Variants in CDC27 observed in about 807,000 individuals in gnomAD.
CDC27 encodes the protein cell division cycle 27.
In CDC27, 27 loss-of-function variants were observed where a neutral mutation model predicts 109.7. That is an observed-to-expected ratio of 0.25 (90% CI 0.18 to 0.34). CDC27 has a LOEUF of 0.34. Ranked by LOEUF, CDC27 falls within the 10% of genes least tolerant of loss-of-function variation. The probability of loss-of-function intolerance (pLI) is 1.00; values close to 1 mark genes in which losing one functional copy is unlikely to be tolerated. For synonymous variants in CDC27, 266 were observed against 333.9 expected (o/e 0.80, Z 2.22); for missense variants, 579 against 960.2 (o/e 0.60, Z 5.25).
intron 9 of CDC27, among the ~76,000 whole-genome samples, chr17:47,149,692 T>C (rs1003898291): frequency 1.3e-5 from 2 of 152,080 alleles, no homozygotes; most frequent in Admixed American, 6.6e-5. Context: ...TGGTAGCTCA[T>C]GCCTGTAATC....
chr17:47,186,106 T>C (rs1320206998), intron 1 of CDC27, among the ~76,000 whole-genome samples: 1 of 152,248 alleles, frequency 6.6e-6, no homozygotes, highest in Non-Finnish European at 1.5e-5. Context: ...AGTCTGTATG[T>C]CTAACTCTTG....
chr17:47,164,685 C>T (rs1176893851), intron 4 of CDC27, among the ~76,000 whole-genome samples: 7 of 152,036 alleles, frequency 4.6e-5, no homozygotes, highest in African/African-American at 1.7e-4. Context: ...GGCATGGTGG[C>T]GCTCACATGT....
intron 2 of CDC27, among the ~76,000 whole-genome samples, chr17:47,173,846 A>C (rs1030607493): frequency 6.6e-6 from 1 of 152,196 alleles, no homozygotes; most frequent in African/African-American, 2.4e-5. Flanking sequence ...TAATCCTAGC[A>C]CTTTGGGAGG....
intron 9 of CDC27, among the ~76,000 whole-genome samples, chr17:47,144,992 A>T (rs1319865206): frequency 6.6e-6 from 1 of 151,452 alleles, no homozygotes; most frequent in African/African-American, 2.4e-5. Context: ...CAAATGACAC[A>T]CAACCTTTCT....
At chr17:47,128,126 G>A (rs2062204223) in intron 16 of CDC27, among the ~76,000 whole-genome samples, 1 of 151,926 alleles carries the variant, frequency 6.6e-6, no homozygotes, top group Non-Finnish European at 1.5e-5. Context: ...TGCCTCCTGG[G>A]TTCAAGTGAT....
At chr17:47,134,263 T>C (rs958168131) in intron 14 of CDC27, among the ~76,000 whole-genome samples, 4 of 150,250 alleles carry the variant, frequency 2.7e-5, no homozygotes, top group African/African-American at 9.8e-5. Flanking sequence ...AATCAAACTA[T>C]GATAATAAGG....
chr17:47,159,582 G>A (rs550121554), intron 4 of CDC27: 3 of 471,870 alleles, frequency 6.4e-6, no homozygotes, highest in East Asian at 4.1e-5. Flanking sequence ...CTGCGCACGG[G>A]GACAATCGAG....
intron 2 of CDC27, among the ~76,000 whole-genome samples, chr17:47,177,356 C>T (rs141232928): frequency 9.1e-4 from 139 of 152,304 alleles, no homozygotes; most frequent in African/African-American, 3.3e-3. Flanking sequence ...GTGGACAGAT[C>T]ACTTGAGGCT....
At chr17:47,134,716 C>T (rs1213655258) in intron 14 of CDC27, among the ~76,000 whole-genome samples, 2 of 151,604 alleles carry the variant, frequency 1.3e-5, no homozygotes, top group African/African-American at 4.9e-5. Flanking sequence ...CCTCATGATT[C>T]GCCCATCTCA....
chr17:47,175,073 G>T (rs893119573), intron 2 of CDC27, among the ~76,000 whole-genome samples: 15 of 134,238 alleles, frequency 1.1e-4, no homozygotes, highest in Admixed American at 7.2e-5. Context: ...AAGGAAGGAA[G>T]GAAGGAAGGA....
chr17:47,183,434 C>G (rs184794863), intron 1 of CDC27, among the ~76,000 whole-genome samples: 1 of 152,266 alleles, frequency 6.6e-6, no homozygotes, highest in African/African-American at 2.4e-5. Context: ...TAGTAAATGA[C>G]TTAGCCCTTT....
chr17:47,157,290 A>T lies in CDC27; in HGVS notation c.570T>A (p.Asn190Lys), dbSNP rs939192276. Residue 190 changes from asparagine to lysine, a missense_variant, in exon 6 of 19, where the codon AAT becomes AAA. Asn to Lys is a moderately conservative substitution (Grantham distance 94). This residue lies in a region of CDC27 where 57 missense variants were observed against 59.0 expected (regional missense o/e 0.97). Transcript: ENST00000066544. Reference protein sequence around the residue: ...LPNSCTTQVPNHSLSHRQPET... With the variant: ...LPNSCTTQVPKHSLSHRQPET... ...CAGGCTGTCTGTGAGATAAACTATGATTAGGTACTTGTGTTGTGCAAGAGT... is the reference window on the plus strand; with the variant it reads ...CAGGCTGTCTGTGAGATAAACTATGTTTAGGTACTTGTGTTGTGCAAGAGT... 1.2e-6 allele frequency: 2 copies of T among 1,613,022 alleles called. No individual in the cohort carries two copies. The highest frequency in any genetic ancestry group is 1.7e-6 in the Non-Finnish European group (2 of 1,179,500).
At position 47,142,299 on chromosome 17, in the gene CDC27, G is replaced by C; in HGVS notation, c.1308C>G (p.Ile436Met). 3.8e-6 allele frequency: 6 copies of C among 1,597,348 alleles called. No individual in the cohort carries two copies. Among genetic ancestry groups the C allele is most frequent in the Non-Finnish European group, 5.1e-6 (6 of 1,166,516 alleles). The change falls in exon 11 of 19, where the codon ATC becomes ATG. Residue 436 changes from isoleucine to methionine, a missense_variant. By Grantham distance (10) the Ile-to-Met change is conservative. This residue lies in a region of CDC27 where 58 missense variants were observed against 116.6 expected (regional missense o/e 0.50). Coordinates refer to ENST00000066544, the MANE Select transcript of CDC27 (RefSeq NM_001256.6). ...SLEITKLDSSIISEGKISTIT... is the reference protein window; with the variant it reads ...SLEITKLDSSMISEGKISTIT... ...TTGTGGATATTTTCCCTTCTGAAAT[G>C]ATGGAAGAGTCCAATTTTGTAATTT...
chr17:47,123,818 T>C (rs1273026237), intron 17 of CDC27, 68 bp downstream of exon 17: 6 of 1,151,664 alleles, frequency 5.2e-6, no homozygotes, highest in South Asian at 2.9e-5. Context: ...AAGTATTACA[T>C]TTATTCTTAT....
chr17:47,161,002 A>T (rs2063481265), intron 4 of CDC27: 1 of 152,196 alleles, frequency 6.6e-6, no homozygotes, highest in Non-Finnish European at 1.5e-5. Context: ...ACTTTTGGAA[A>T]ACATAAATAA....
At chr17:47,137,388 C>A in intron 13 of CDC27, 28 bp from the exon 14 acceptor site, 2 of 1,438,132 alleles carry the variant, frequency 1.4e-6, no homozygotes, top group Non-Finnish European at 1.9e-6. Flanking sequence ...AAAAACCAAA[C>A]AGAATTAAAA....
At chr17:47,131,537 G>A (rs1235022545) in intron 15 of CDC27, among the ~76,000 whole-genome samples, 1 of 152,048 alleles carries the variant, frequency 6.6e-6, no homozygotes, top group Non-Finnish European at 1.5e-5. Flanking sequence ...GCTGAGGGGA[G>A]GGAGAAGGGG....
rs2148814013 is a variant in CDC27, at chr17:47,129,387, T to C, written c.2160+6A>G. ...ACACTGAAGACCCTTAAGATATTTA[T>C]CTTACCTTATATTTTTCATTTGCAA... On this transcript the variant is annotated splice_donor_region_variant and intron_variant, in intron 16 of 18. Coordinates refer to ENST00000066544, the MANE Select transcript of CDC27 (RefSeq NM_001256.6). 6.2e-7 allele frequency: 1 copy of C among 1,605,866 alleles called. No individual in the cohort carries two copies. The highest frequency in any genetic ancestry group is 8.5e-7 in the Non-Finnish European group (1 of 1,173,952).
chr17:47,131,281 C>G (rs977756299), intron 15 of CDC27, among the ~76,000 whole-genome samples: 2 of 152,172 alleles, frequency 1.3e-5, no homozygotes, highest in African/African-American at 4.8e-5. Context: ...GACACATTAT[C>G]TCTCCATTTT....
Sources: allele counts gnomAD v4.1 joint callset (sites outside exome capture counted in the v4.1 genomes callset), GRCh38; gene constraint gnomAD v4.1.1; regional missense constraint gnomAD v4.1.1; transcripts MANE v1.5; gene names NCBI Gene and HGNC (gene_info 2026-07-23, HGNC 2026-07-21).